BEND5: variants seen among roughly 807,000 people sequenced by gnomAD.
BEND5 encodes the protein BEN domain containing 5.
A neutral mutation model predicts 43.9 loss-of-function variants in BEND5; 22 were observed. The ratio of observed to expected loss-of-function variants is 0.50; its 90% CI spans 0.36 to 0.72. The LOEUF (loss-of-function observed/expected upper bound fraction) is 0.72, where lower values mean the gene tolerates loss of function less well. Among genes scored for constraint, BEND5 ranks in the 30% least tolerant of loss-of-function variants. The pLI is 0.00. For missense variants in BEND5, 428 were observed against 550.6 expected, an observed-to-expected ratio of 0.78 and a Z score of 2.23; for synonymous variants, 228 against 225.9, an observed-to-expected ratio of 1.01 and a Z score of -0.08.
intron 5 of BEND5, 83 bp from the exon 6 acceptor site, chr1:48,728,126 C>G: frequency 1.6e-6 from 2 of 1,274,604 alleles, no homozygotes; most frequent in Non-Finnish European, 2.2e-6. Context: ...GAAAATGTAC[C>G]TCCCAACATA....
At chr1:48,737,351 C>T (rs750431796) in intron 4 of BEND5, among the ~76,000 whole-genome samples, 1 of 152,130 alleles carries the variant, frequency 6.6e-6, no homozygotes, top group Non-Finnish European at 1.5e-5. Flanking sequence ...CCTAGAGATT[C>T]TGATTTATTT....
chr1:48,738,324 T>A (rs796972469), intron 4 of BEND5, among the ~76,000 whole-genome samples: 20 of 152,344 alleles, frequency 1.3e-4, no homozygotes, highest in African/African-American at 4.8e-4. Flanking sequence ...TAGATCCACC[T>A]GGCCTCTCTG....
chr1:48,755,238 C>T (rs150893345), intron 3 of BEND5, among the ~76,000 whole-genome samples: 21 of 152,288 alleles, frequency 1.4e-4, no homozygotes, highest in African/African-American at 4.6e-4. Context: ...TCTGAGTCCC[C>T]ATCAGTCTGA....
intron 3 of BEND5, among the ~76,000 whole-genome samples, chr1:48,753,291 C>G (rs1652046379): frequency 6.6e-6 from 1 of 152,158 alleles, no homozygotes; most frequent in South Asian, 2.1e-4. Flanking sequence ...AAACAGACAC[C>G]TGAGAAGGGT....
Position 48,776,647 on chromosome 1 carries a change from C to A in BEND5, c.185G>T (p.Gly62Val). Residue 62 changes from glycine to valine, a missense_variant, in exon 1 of 6, where the codon GGC becomes GTC. Transcript: ENST00000371833. ...ESPPRAPRDWGALLLHKAQIL... is the reference protein window; with the variant it reads ...ESPPRAPRDWVALLLHKAQIL... ...CTGGGCCTTGTGGAGCAACAGCGCGCCCCAGTCGCGGGGGGCGCGCGGGGG... is the reference window on the plus strand; with the variant it reads ...CTGGGCCTTGTGGAGCAACAGCGCGACCCAGTCGCGGGGGGCGCGCGGGGG... 1 of 1,489,756 alleles carries A rather than the reference C, an allele frequency of 6.7e-7. No individual in the cohort carries two copies. Among genetic ancestry groups the A allele is most frequent in the Non-Finnish European group, 8.9e-7 (1 of 1,123,520 alleles). The allele number at this position is 1,489,756 out of a possible 1,614,324, so 92.3% of individuals were successfully genotyped here.
chr1:48,761,018 G>A, intron 2 of BEND5: 2 of 211,092 alleles, frequency 9.5e-6, no homozygotes, highest in Non-Finnish European at 1.9e-5. Flanking sequence ...TAACGTTCTT[G>A]GAGCTTAGCA....
chr1:48,750,769 A>C (rs1651597530), intron 3 of BEND5, among the ~76,000 whole-genome samples: 1 of 152,334 alleles, frequency 6.6e-6, no homozygotes, highest in Non-Finnish European at 1.5e-5. Flanking sequence ...CTCTAGTGGA[A>C]TGTTACTGGA....
chr1:48,728,482 C>CTTT (rs11441549), intron 5 of BEND5, among the ~76,000 whole-genome samples: 3 of 137,126 alleles, frequency 2.2e-5, no homozygotes, highest in Non-Finnish European at 3.1e-5. Flanking sequence ...TTCTGACTTG[C>CTTT]TTTTTTTTTT....
In BEND5 at chr1:48,742,454, C is replaced by T. The variant is rs956636190; in HGVS notation, c.894+169G>A. 1.3e-5 allele frequency among the ~76,000 whole-genome samples: 2 copies of T among 152,164 alleles called. 1 individual carries two copies. Among genetic ancestry groups the T allele is most frequent in the South Asian group, 4.2e-4 (2 of 4,796 alleles). On this transcript the variant is annotated intron_variant, in intron 4 of 5. Coordinates refer to ENST00000371833, the MANE Select transcript of BEND5 (RefSeq NM_024603.4). Reference sequence around the variant, plus strand: ...AAGGAAGAAGGAAGAGAAAACGCCCCAGCAAAGCTACGCTACTGATAGTAT... The same window carrying T: ...AAGGAAGAAGGAAGAGAAAACGCCCTAGCAAAGCTACGCTACTGATAGTAT...
At chr1:48,768,694 G>A (rs1004490427) in intron 1 of BEND5, among the ~76,000 whole-genome samples, 4 of 152,160 alleles carry the variant, frequency 2.6e-5, no homozygotes, top group African/African-American at 9.7e-5. Flanking sequence ...ATGTCAGAGA[G>A]CCTAATTTGG....
chr1:48,739,072 A>G (rs1649508840), intron 4 of BEND5, among the ~76,000 whole-genome samples: 1 of 152,198 alleles, frequency 6.6e-6, no homozygotes, highest in South Asian at 2.1e-4. Context: ...GATCAAAGAC[A>G]GCAGACCTAA....
chr1:48,729,169 G>A (rs1342417200), intron 5 of BEND5, among the ~76,000 whole-genome samples: 1 of 152,146 alleles, frequency 6.6e-6, no homozygotes, highest in African/African-American at 2.4e-5. Flanking sequence ...CAAGTTGTAA[G>A]GAATACTACA....
At chr1:48,746,215 T>C (rs1224016411) in intron 3 of BEND5, among the ~76,000 whole-genome samples, 1 of 152,126 alleles carries the variant, frequency 6.6e-6, no homozygotes, top group Admixed American at 6.5e-5. Context: ...GATTTCAGAG[T>C]CTAGTACAGA....
At chr1:48,754,389 T>C (rs753130576) in intron 3 of BEND5, among the ~76,000 whole-genome samples, 1 of 152,204 alleles carries the variant, frequency 6.6e-6, no homozygotes, top group Non-Finnish European at 1.5e-5. Context: ...GTCTTGTTCA[T>C]TACGTTATTC....
chr1:48,763,093 T>G (rs1429882360), intron 1 of BEND5, among the ~76,000 whole-genome samples: 3 of 89,696 alleles, frequency 3.3e-5, no homozygotes, highest in African/African-American at 1.2e-4. Context: ...GAATAGAGAT[T>G]TAATTAAAAC....
intron 5 of BEND5, among the ~76,000 whole-genome samples, chr1:48,729,641 T>C (rs1427866118): frequency 2.0e-5 from 3 of 151,916 alleles, no homozygotes; most frequent in African/African-American, 4.8e-5. Flanking sequence ...TGGGGCAGAA[T>C]CCACTGCTAC....
At position 48,736,601 on chromosome 1, in the gene BEND5, G is replaced by T. The variant is rs1649097898; in HGVS notation, c.895-149C>A. 3 of 694,506 alleles carry T rather than the reference G, an allele frequency of 4.3e-6. No homozygotes were observed. In the African/African-American group the frequency reaches 5.4e-5, roughly 13 times the overall value. 43.0% of individuals were successfully genotyped at this position (694,506 alleles called of 1,614,324 possible). ...ACTCTCTTTAAGGGTAATCGTAATA[G>T]CTATCATCTACTGAATACGTGTAGT... On this transcript the variant is annotated intron_variant, in intron 4 of 5. Transcript: ENST00000371833. This position sits in a 1 kb window ranked among gnomAD's most constrained non-coding sequence, Gnocchi z 4.0.
intron 1 of BEND5, among the ~76,000 whole-genome samples, chr1:48,766,112 T>C (rs951936539): frequency 8.5e-5 from 13 of 152,176 alleles, no homozygotes; most frequent in Non-Finnish European, 7.3e-5. Context: ...AAAAATTAGG[T>C]TACCACTTGT....
rs1170861862 is a variant in BEND5 at position 48,736,804 on chromosome 1, C to T, written c.895-352G>A. 6.6e-6 allele frequency among the ~76,000 whole-genome samples: 1 copy of T among 152,204 alleles called. No individual in the cohort carries two copies. Among genetic ancestry groups the T allele is most frequent in the Non-Finnish European group, 1.5e-5 (1 of 68,036 alleles). ...GGCAGAGTTGATATTCTACACTATA[C>T]TTAGTTTATCACAAGGCTGCTCAGA... is the stretch of plus-strand genomic sequence containing the variant. On this transcript the variant is annotated intron_variant, in intron 4 of 5. Coordinates refer to ENST00000371833, the MANE Select transcript of BEND5 (RefSeq NM_024603.4). The surrounding 1 kb of genome is among the most constrained non-coding windows in gnomAD (Gnocchi z 4.0).
Sources: gnomAD v4.1 joint callset for allele counts (sites outside exome capture counted in the v4.1 genomes callset) on GRCh38, gnomAD v4.1.1 for gene constraint, Gnocchi (gnomAD v3.1) non-coding constraint, MANE v1.5 for transcripts, NCBI Gene and HGNC (gene_info 2026-07-23, HGNC 2026-07-21) for gene names.